The following ASTN2 variants were observed in gnomAD, a reference collection of about 807,000 sequenced individuals.
The protein encoded by ASTN2 is astrotactin-2.
ASTN2 carries 54 observed loss-of-function variants against 139.8 expected under a neutral mutation model. That is an observed-to-expected ratio of 0.39 (90% CI 0.31 to 0.48). ASTN2 has a LOEUF of 0.48. ASTN2 is among the 20% of genes least tolerant of loss of function. The probability of loss-of-function intolerance (pLI) is 0.95; values close to 1 mark genes in which losing one functional copy is unlikely to be tolerated. For missense variants in ASTN2, 1,565 were observed against 1,725.1 expected, an observed-to-expected ratio of 0.91 and a Z score of 1.64; for synonymous variants, 756 against 719.5, an observed-to-expected ratio of 1.05 and a Z score of -0.81.
At chr9:116,933,921 A>G (rs1834982868) in intron 10 of ASTN2, among the ~76,000 whole-genome samples, 1 of 149,776 alleles carries the variant, frequency 6.7e-6, no homozygotes, top group Admixed American at 6.8e-5. Context: ...GGTACCACCA[A>G]TCAGCCAATC....
At chr9:116,987,038 C>CA (rs1347228492) in intron 7 of ASTN2, among the ~76,000 whole-genome samples, 7 of 152,322 alleles carry the variant, frequency 4.6e-5, no homozygotes, top group Admixed American at 1.3e-4. Context: ...AACCCCTCTG[C>CA]AAAAATACAG....
intron 16 of ASTN2, among the ~76,000 whole-genome samples, chr9:116,702,213 A>C (rs1271770014): frequency 1.3e-5 from 2 of 152,064 alleles, no homozygotes; most frequent in African/African-American, 4.8e-5. Flanking sequence ...GCCTCCTAGA[A>C]GGGTATGAGA....
At chr9:116,518,492 A>G (rs1278829941) in intron 19 of ASTN2, among the ~76,000 whole-genome samples, 1 of 152,212 alleles carries the variant, frequency 6.6e-6, no homozygotes, top group Non-Finnish European at 1.5e-5. Context: ...CAGCACTACA[A>G]GAACTGCTAA....
rs751527505 is a variant in ASTN2 at position 116,686,824 on chromosome 9, T to C, written c.2807-35031A>G. 4 of 1,550,498 alleles carry C rather than the reference T, an allele frequency of 2.6e-6. No homozygotes were observed. In the South Asian group the frequency reaches 4.8e-5, roughly 18 times the overall value. On this transcript the variant is annotated intron_variant, in intron 16 of 22. Transcript: ENST00000313400. ...TGTTCATGGATAAACTTGTCTCTAG[T>C]GCAGCTCTCTGTCAGAGCACAGAAC...
At chr9:116,839,817 C>T (rs999563198) in intron 11 of ASTN2, among the ~76,000 whole-genome samples, 2 of 150,010 alleles carry the variant, frequency 1.3e-5, no homozygotes, top group Non-Finnish European at 3.0e-5. Context: ...ACCACAGGTG[C>T]CCGCCACCAC....
chr9:116,514,674 CTTTG>C (rs955504443), intron 19 of ASTN2, among the ~76,000 whole-genome samples: 11 of 152,170 alleles, frequency 7.2e-5, no homozygotes, highest in African/African-American at 2.7e-4. Context: ...TTCCCAGCCG[CTTTG>C]TTTACCTAGT....
At chr9:116,851,959 A>G (rs1832620573) in intron 11 of ASTN2, among the ~76,000 whole-genome samples, 1 of 152,168 alleles carries the variant, frequency 6.6e-6, no homozygotes, top group Non-Finnish European at 1.5e-5. Context: ...AGAGAGAATC[A>G]AGTTTAACTC....
intron 19 of ASTN2, among the ~76,000 whole-genome samples, chr9:116,514,178 TG>T (rs1211663530): frequency 6.6e-6 from 1 of 151,352 alleles, no homozygotes; most frequent in African/African-American, 2.4e-5. Flanking sequence ...GATGGGGTTT[TG>T]GTGTGGATGT....
chr9:116,793,097 A>G (rs1830600131), intron 13 of ASTN2, among the ~76,000 whole-genome samples: 1 of 152,136 alleles, frequency 6.6e-6, no homozygotes. Context: ...CCTGAATCTC[A>G]AAGTTGAAAA....
intron 3 of ASTN2, among the ~76,000 whole-genome samples, chr9:117,194,483 G>C (rs1258648884): frequency 6.6e-6 from 1 of 152,216 alleles, no homozygotes; most frequent in Non-Finnish European, 1.5e-5. Flanking sequence ...CCCATGTAAT[G>C]ACAATGTGTA....
chr9:117,196,215 A>G (rs1588064357), intron 3 of ASTN2, among the ~76,000 whole-genome samples: 1 of 152,224 alleles, frequency 6.6e-6, no homozygotes, highest in East Asian at 1.9e-4. Context: ...TCCTCTGTAC[A>G]GTAGGGATAA....
intron 4 of ASTN2, among the ~76,000 whole-genome samples, chr9:117,115,668 C>T (rs1047713266): frequency 1.3e-5 from 2 of 152,094 alleles, no homozygotes; most frequent in Admixed American, 6.5e-5. Flanking sequence ...TTACTCAACA[C>T]GTTGTTTGAA....
At chr9:117,347,591 C>T (rs984591940) in intron 1 of ASTN2, among the ~76,000 whole-genome samples, 2 of 152,086 alleles carry the variant, frequency 1.3e-5, no homozygotes, top group African/African-American at 4.8e-5. Flanking sequence ...TTGTCTAGTG[C>T]AATTCTCTCT....
chr9:117,214,620 C>T lies in ASTN2; in HGVS notation c.753G>A (p.Glu251=), dbSNP rs201882242. ...QKSASTEATH[E]IHYIPSVLLG... ...GCAGCACAGATGGGATGTAGTGGAT[C>T]TCATGAGTGGCTTCTGTGCTTGCGC... The change falls in exon 3 of 23, where the codon GAG becomes GAA. Residue 251 remains glutamate (E), a synonymous_variant. Coordinates refer to ENST00000313400, the MANE Select transcript of ASTN2 (RefSeq NM_001365068.1). 160 of 1,590,466 alleles carry T rather than the reference C, an allele frequency of 1.0e-4. No individual in the cohort carries two copies. The highest frequency in any genetic ancestry group is 1.4e-4 in the Non-Finnish European group (157 of 1,162,120).
chr9:116,812,059 T>G (rs986470561), intron 12 of ASTN2, among the ~76,000 whole-genome samples: 1 of 152,224 alleles, frequency 6.6e-6, no homozygotes, highest in Non-Finnish European at 1.5e-5. Flanking sequence ...TATGCATTAT[T>G]TGTGTGTGTG....
intron 7 of ASTN2, among the ~76,000 whole-genome samples, chr9:116,994,267 T>C (rs530299993): frequency 6.6e-6 from 1 of 152,320 alleles, no homozygotes; most frequent in African/African-American, 2.4e-5. Flanking sequence ...CTAATGAGCA[T>C]GGCTGTGTTT....
intron 5 of ASTN2, among the ~76,000 whole-genome samples, chr9:117,058,479 T>C (rs1839134010): frequency 6.6e-6 from 1 of 152,236 alleles, no homozygotes; most frequent in Non-Finnish European, 1.5e-5. Flanking sequence ...GAGTTATAGT[T>C]ACTATGCCCA....
intron 1 of ASTN2, among the ~76,000 whole-genome samples, chr9:117,347,052 G>A (rs1419392949): frequency 4.6e-5 from 7 of 152,108 alleles, no homozygotes; most frequent in Non-Finnish European, 8.8e-5. Flanking sequence ...TCTGCGGTGT[G>A]TGTTATCTGA....
chr9:116,648,010 T>C (rs1287476049), intron 17 of ASTN2, among the ~76,000 whole-genome samples: 3 of 151,162 alleles, frequency 2.0e-5, no homozygotes, highest in Non-Finnish European at 3.0e-5. Context: ...CTTTTCTTTT[T>C]TTTTTTTTTG....
Sources: gnomAD v4.1 joint callset for allele counts (sites outside exome capture counted in the v4.1 genomes callset) on GRCh38, gnomAD v4.1.1 for gene constraint, MANE v1.5 for transcripts, NCBI Gene and HGNC (gene_info 2026-07-23, HGNC 2026-07-21) for gene names.